Variants in CACNA1C observed in about 807,000 individuals in gnomAD.
The protein encoded by CACNA1C is calcium voltage-gated channel subunit alpha1 C, also known as voltage-dependent L-type calcium channel subunit alpha-1C.
A neutral mutation model predicts 229.0 loss-of-function variants in CACNA1C; 30 were observed. The observed-to-expected ratio is 0.13, with a 90% CI of 0.10 to 0.18. The LOEUF is 0.18. Among genes scored for constraint, CACNA1C ranks in the 10% least tolerant of loss-of-function variants. The probability of loss-of-function intolerance (pLI) is 1.00; values close to 1 mark genes in which losing one functional copy is unlikely to be tolerated. For missense variants in CACNA1C, 1,658 were observed against 2,845.0 expected (o/e 0.58, Z 9.49); for synonymous variants, 1,114 against 1,132.5 (o/e 0.98, Z 0.33).
At chr12:2,619,403 C>T (rs994803380) in intron 29 of CACNA1C, among the ~76,000 whole-genome samples, 1 of 152,164 alleles carries the variant, frequency 6.6e-6, no homozygotes, top group Non-Finnish European at 1.5e-5. Context: ...CCTGGGTGTG[C>T]CCTCTTGTCT....
chr12:2,522,714 C>T (rs2099812320), intron 9 of CACNA1C, among the ~76,000 whole-genome samples: 1 of 152,122 alleles, frequency 6.6e-6, no homozygotes, highest in Non-Finnish European at 1.5e-5. Flanking sequence ...CCCTCTGGGG[C>T]TCTCCTGGGC....
chr12:2,060,239 C>T (rs1269651090), intron 1 of CACNA1C, among the ~76,000 whole-genome samples: 1 of 152,172 alleles, frequency 6.6e-6, no homozygotes, highest in East Asian at 1.9e-4. Context: ...GTGGGACTTC[C>T]CTGGTGAGCT....
At chr12:2,387,077 T>C (rs935039814) in intron 3 of CACNA1C, among the ~76,000 whole-genome samples, 1 of 152,236 alleles carries the variant, frequency 6.6e-6, no homozygotes, top group African/African-American at 2.4e-5. Context: ...CATTCATTAT[T>C]CATTCAATAA....
At position 2,632,767 on chromosome 12, in the gene CACNA1C, C is replaced by T. The variant is rs553077352; in HGVS notation, c.3829-1530C>T. Among the ~76,000 whole-genome samples, 13 of 152,242 alleles carry T rather than the reference C, an allele frequency of 8.5e-5. No homozygotes were observed. The South Asian group carries it at 1.5e-3, about 17-fold the overall frequency. ...CTTTGATCACCGCGTGCCCTCTGCGCGGCGTCTGCATTCAGCAGGACCCTA... is the reference window on the plus strand; with the variant it reads ...CTTTGATCACCGCGTGCCCTCTGCGTGGCGTCTGCATTCAGCAGGACCCTA... On this transcript the variant is annotated intron_variant, in intron 29 of 46. Transcript: ENST00000399655. This position sits in a 1 kb window ranked among gnomAD's most constrained non-coding sequence, Gnocchi z 4.1.
chr12:2,383,636 A>C (rs1243384467), intron 3 of CACNA1C, among the ~76,000 whole-genome samples: 1 of 152,120 alleles, frequency 6.6e-6, no homozygotes. Flanking sequence ...TAATCATCCT[A>C]AGAAAGGATT....
At chr12:2,336,439 T>A (rs1567118139) in intron 3 of CACNA1C, among the ~76,000 whole-genome samples, 3 of 140,918 alleles carry the variant, frequency 2.1e-5, no homozygotes, top group Non-Finnish European at 3.2e-5. Flanking sequence ...ACATGATTCC[T>A]ATTTTTAGCA....
In CACNA1C at chr12:2,679,701, C is replaced by G; in HGVS notation, c.5349C>G (p.Gly1783=). The part of the protein sequence containing the change: ...TALGRLPRPA[G]YPSTVSTVEG... The stretch of plus-strand genomic sequence containing the variant: ...TGGGTCGCCTCCCTCGCCCCGCCGG[C>G]TACCCCAGCACGGTCAGCACTGTGG... Residue 1783 remains glycine (G), a synonymous_variant, in exon 42 of 47, where the codon GGC becomes GGG. Transcript: ENST00000399655. This position sits in a 1 kb window ranked among gnomAD's most constrained non-coding sequence, Gnocchi z 5.5. The G allele has an allele frequency of 6.2e-7, 1 of 1,611,666 alleles. No homozygotes were observed.
intron 5 of CACNA1C, among the ~76,000 whole-genome samples, chr12:2,472,636 A>G (rs192420880): frequency 3.9e-5 from 6 of 152,340 alleles, no homozygotes; most frequent in African/African-American, 1.2e-4. Context: ...CCACATATAT[A>G]TAGCTGTTTT....
intron 37 of CACNA1C, among the ~76,000 whole-genome samples, chr12:2,667,805 A>T (rs1402605600): frequency 6.6e-6 from 1 of 152,138 alleles, no homozygotes; most frequent in African/African-American, 2.4e-5. Flanking sequence ...GGAGAAGTGT[A>T]ACCCTTCTAG....
chr12:2,548,726 T>C (rs1175026673), intron 9 of CACNA1C, among the ~76,000 whole-genome samples: 1 of 152,198 alleles, frequency 6.6e-6, no homozygotes, highest in Non-Finnish European at 1.5e-5. Flanking sequence ...CTTGTCTTCA[T>C]CTGAAGGAAA....
At chr12:2,360,150 C>A in intron 3 of CACNA1C, among the ~76,000 whole-genome samples, 1 of 123,330 alleles carries the variant, frequency 8.1e-6, no homozygotes, top group Admixed American at 7.9e-5. Flanking sequence ...CACACAAACA[C>A]ACCCCACCCC....
At position 2,123,079 on chromosome 12, in the gene CACNA1C, T is replaced by C. The variant is rs529684213; in HGVS notation, c.477+2649T>C. On this transcript the variant is annotated intron_variant, in intron 3 of 46. Coordinates refer to ENST00000399655, the MANE Select transcript of CACNA1C (RefSeq NM_000719.7). ...TGACTTCAAATCTTGGCTTCTCCAC[T>C]TTAAGATTAAGTCTGGGCCGGGCGC... Among the ~76,000 whole-genome samples, 12 of 152,298 alleles carry C rather than the reference T, an allele frequency of 7.9e-5. No individual in the cohort carries two copies. In the East Asian group the frequency reaches 1.9e-3, roughly 25 times the overall value.
intron 1 of CACNA1C, among the ~76,000 whole-genome samples, chr12:2,087,408 G>A (rs2068122015): frequency 6.6e-6 from 1 of 152,172 alleles, no homozygotes. Context: ...GAGAACTGAG[G>A]GAGTTACAGT....
intron 3 of CACNA1C, among the ~76,000 whole-genome samples, chr12:2,314,593 G>A (rs1332813961): frequency 2.6e-5 from 4 of 152,130 alleles, no homozygotes; most frequent in African/African-American, 7.2e-5. Context: ...AACTCATGAA[G>A]TCTATATTTT....
chr12:2,422,967 T>C (rs1463371257), intron 3 of CACNA1C, among the ~76,000 whole-genome samples: 1 of 152,248 alleles, frequency 6.6e-6, no homozygotes, highest in African/African-American at 2.4e-5. Context: ...TCTCTGATGT[T>C]GGACCAAGAT....
rs149970677 is a variant in CACNA1C, at chr12:2,169,948, G to A, written c.477+49518G>A. Among the ~76,000 whole-genome samples, 45 of 152,306 alleles carry A rather than the reference G, an allele frequency of 3.0e-4. 2 individuals carry two copies. Among genetic ancestry groups the A allele is most frequent in the African/African-American group, 9.4e-4 (39 of 41,560 alleles). ...GGACTGTGGACAGCAGAAGAGTGGG[G>A]TGAGGTGAGCTTGAGGGGTTGAGGG... On this transcript the variant is annotated intron_variant, in intron 3 of 46. Coordinates refer to ENST00000399655, the MANE Select transcript of CACNA1C (RefSeq NM_000719.7).
chr12:2,688,934 C>T (rs1188134206), intron 46 of CACNA1C, among the ~76,000 whole-genome samples, 155 bp downstream of exon 46: 1 of 152,176 alleles, frequency 6.6e-6, no homozygotes, highest in Admixed American at 6.5e-5. Context: ...CAGGAGGGCT[C>T]GTGTGCGGAA....
intron 3 of CACNA1C, among the ~76,000 whole-genome samples, chr12:2,347,124 C>G (rs895904288): frequency 2.0e-5 from 3 of 152,184 alleles, no homozygotes; most frequent in Non-Finnish European, 4.4e-5. Context: ...AGAGACCAAG[C>G]CTTGCTCCTT....
chr12:2,148,272 G>A (rs189280810), intron 3 of CACNA1C, among the ~76,000 whole-genome samples: 40 of 151,322 alleles, frequency 2.6e-4, no homozygotes, highest in African/African-American at 8.0e-4. Flanking sequence ...TCTGTCTTTC[G>A]TATTGAAATA....
Sources: allele counts gnomAD v4.1 joint callset (sites outside exome capture counted in the v4.1 genomes callset), GRCh38; gene constraint gnomAD v4.1.1; non-coding constraint Gnocchi (gnomAD v3.1); transcripts MANE v1.5; gene names NCBI Gene and HGNC (gene_info 2026-07-23, HGNC 2026-07-21).